The following PPEF1 variants were observed in gnomAD, a reference collection of about 807,000 sequenced individuals.
The protein encoded by PPEF1 is serine/threonine-protein phosphatase with EF-hands 1.
In PPEF1, 12 loss-of-function variants were observed where a neutral mutation model predicts 53.3. The ratio of observed to expected loss-of-function variants is 0.23; its 90% CI spans 0.14 to 0.36. The LOEUF is 0.36. PPEF1 is among the 10% of genes least tolerant of loss of function. PPEF1 has a pLI of 1.00. For missense variants in PPEF1, 334 were observed against 490.4 expected (o/e 0.68, Z 3.01); for synonymous variants, 165 against 176.7 (o/e 0.93, Z 0.52).
intron 1 of PPEF1, among the ~76,000 whole-genome samples, chrX:18,714,625 G>T (rs2044413867): frequency 8.9e-6 from 1 of 112,061 alleles, no homozygotes; most frequent in Non-Finnish European, 1.9e-5. Flanking sequence ...TGAATTCAAG[G>T]AGTTTTGATG....
At chrX:18,744,744 A>G (rs111951715) in intron 3 of PPEF1, among the ~76,000 whole-genome samples, 23 of 110,120 alleles carry the variant, frequency 2.1e-4, no homozygotes, top group African/African-American at 7.6e-4. Context: ...AATTATGTCA[A>G]TTTATCTTAT....
At chrX:18,705,645 G>T (rs759034884), upstream of PPEF1, among the ~76,000 whole-genome samples, 19 of 111,109 alleles carry the variant, frequency 1.7e-4, no homozygotes, top group Non-Finnish European at 2.5e-4. Flanking sequence ...AGCCCGGGAG[G>T]TGGAGGCTGC....
intron 5 of PPEF1, chrX:18,700,272 TGTGTG>T (rs372153114): frequency 0.084 from 4,778 of 56,957 alleles, 96 homozygotes; most frequent in Non-Finnish European, 0.15. Context: ...TGTGTGTGTG[TGTGTG>T]TGTGTTTGTG....
chrX:18,773,854 C>T (rs1482176554), intron 6 of PPEF1, among the ~76,000 whole-genome samples: 5 of 110,923 alleles, frequency 4.5e-5, no homozygotes, highest in African/African-American at 1.6e-4. Context: ...TTATTTTTCT[C>T]TTCTCACCTC....
rs766406493 is a variant in PPEF1 at position 18,762,637 on chromosome X, G to T, written c.558+1061G>T. 8.0e-5 allele frequency among the ~76,000 whole-genome samples: 9 copies of T among 112,014 alleles called. No homozygotes were observed. The East Asian group carries it at 2.0e-3, about 25-fold the overall frequency. On this transcript the variant is annotated intron_variant, in intron 6 of 15. Transcript: ENST00000470157. ...TTTCTTGATGATATGCTAAACAAGG[G>T]GTGGACTATTCATGCCTCCCCTTTT... is the stretch of plus-strand genomic sequence containing the variant.
intron 10 of PPEF1, among the ~76,000 whole-genome samples, chrX:18,802,176 C>A (rs1405638812): frequency 2.7e-5 from 3 of 110,367 alleles, no homozygotes; most frequent in African/African-American, 9.9e-5. Flanking sequence ...GGGATCTTCT[C>A]ACTTCAGCCT....
intron 1 of PPEF1, among the ~76,000 whole-genome samples, chrX:18,719,686 T>C (rs1219964243): frequency 1.8e-5 from 2 of 111,297 alleles, no homozygotes; most frequent in Non-Finnish European, 3.8e-5. Flanking sequence ...ATGAGATGGC[T>C]TTATGTCATC....
At chrX:18,750,730 A>G (rs896447280) in intron 4 of PPEF1, among the ~76,000 whole-genome samples, 5 of 111,463 alleles carry the variant, frequency 4.5e-5, no homozygotes, top group African/African-American at 6.5e-5. Flanking sequence ...CTATATTTAA[A>G]TTTTCCAGTA....
At chrX:18,776,851 C>A (rs1243505428) in intron 6 of PPEF1, among the ~76,000 whole-genome samples, 1 of 111,586 alleles carries the variant, frequency 9.0e-6, no homozygotes, top group Admixed American at 9.5e-5. Context: ...ACCTGGGAGG[C>A]GGAGGTTGCG....
chrX:18,744,079 G>A (rs2045267609), intron 3 of PPEF1, among the ~76,000 whole-genome samples: 1 of 107,318 alleles, frequency 9.3e-6, no homozygotes, highest in South Asian at 4.1e-4. Context: ...TAGTAGATAC[G>A]GGGTTTCTTC....
At chrX:18,809,977 A>G (rs1294484090) in intron 12 of PPEF1, among the ~76,000 whole-genome samples, 3 of 110,645 alleles carry the variant, frequency 2.7e-5, no homozygotes, top group Non-Finnish European at 5.7e-5. Context: ...AGATACAGGT[A>G]TATCAAATCA....
chrX:18,755,182 T>G (rs150559285), intron 4 of PPEF1, among the ~76,000 whole-genome samples: 2,690 of 111,299 alleles, frequency 0.024, 77 homozygotes, highest in African/African-American at 0.081. Context: ...CAACACAGTG[T>G]ACAGAGTAAA....
chrX:18,819,935 G>A (rs1242209026), intron 13 of PPEF1, among the ~76,000 whole-genome samples: 1 of 111,601 alleles, frequency 9.0e-6, no homozygotes, highest in Non-Finnish European at 1.9e-5. Flanking sequence ...AGCACCAGTA[G>A]CAAAGAAAAA....
chrX:18,816,919 G>A (rs954200390), intron 12 of PPEF1, among the ~76,000 whole-genome samples: 1 of 111,387 alleles, frequency 9.0e-6, no homozygotes, highest in African/African-American at 3.3e-5. Context: ...GTATTTTTGA[G>A]ACTAAAGTGT....
intron 6 of PPEF1, among the ~76,000 whole-genome samples, chrX:18,763,355 C>T (rs1291069729): frequency 1.8e-5 from 2 of 111,452 alleles, no homozygotes; most frequent in South Asian, 4.0e-4. Flanking sequence ...AGAATTCCTT[C>T]GTTATCTTGC....
At position 18,713,420 on chromosome X, in the gene PPEF1, C is replaced by CTTTTTTTTTTTTTTTTTTTTTTT. The variant is rs55997147; in HGVS notation, c.46+5612_46+5613insTTTTTTTTTTTTTTTTTTTTTTT. On this transcript the variant is annotated intron_variant, in intron 1 of 15. Coordinates refer to ENST00000470157, the MANE Select transcript of PPEF1 (RefSeq NM_001377996.1). ...TTGTTCAGAGTATTCCCTTAAAATTCTTTTTTTTTTTTTTTTTTCTTTACT... is the reference window on the plus strand; with the variant it reads ...TTGTTCAGAGTATTCCCTTAAAATTCTTTTTTTTTTTTTTTTTTTTTTTTTTTTTTTTTTTTTTTTTCTTTACT... 2.5e-4 allele frequency among the ~76,000 whole-genome samples: 19 copies of CTTTTTTTTTTTTTTTTTTTTTTT among 77,513 alleles called. 3 individuals are homozygous for CTTTTTTTTTTTTTTTTTTTTTTT. The highest frequency in any genetic ancestry group is 9.4e-4 in the African/African-American group (19 of 20,296). The allele number at this position is 77,513 out of a possible 115,157, so 67.3% of individuals were successfully genotyped here.
chrX:18,693,443 T>C (rs1387397784), intron 4 of PPEF1, among the ~76,000 whole-genome samples: 2 of 112,436 alleles, frequency 1.8e-5, no homozygotes, highest in African/African-American at 6.5e-5. Context: ...CTACGAAACA[T>C]TTCCTGGTGT....
At chrX:18,719,008 C>T (rs1204592280) in intron 1 of PPEF1, among the ~76,000 whole-genome samples, 1 of 111,767 alleles carries the variant, frequency 8.9e-6, no homozygotes, top group Non-Finnish European at 1.9e-5. Flanking sequence ...GATATTATTT[C>T]CTGAGTGAAG....
upstream of PPEF1, among the ~76,000 whole-genome samples, chrX:18,704,226 C>G (rs2044148870): frequency 9.0e-6 from 1 of 111,158 alleles, no homozygotes; most frequent in Admixed American, 9.6e-5. Context: ...GTGCCCAGCC[C>G]CAATTCTTAT....
Sources: allele counts gnomAD v4.1 joint callset (sites outside exome capture counted in the v4.1 genomes callset), GRCh38; gene constraint gnomAD v4.1.1; transcripts MANE v1.5; gene names NCBI Gene and HGNC (gene_info 2026-07-23, HGNC 2026-07-21).